PLIN1: variants seen among roughly 807,000 people sequenced by gnomAD.
PLIN1 encodes perilipin 1, also known as perilipin-1.
PLIN1 carries 37 observed loss-of-function variants against 45.8 expected under a neutral mutation model. The observed-to-expected ratio is 0.81, with a 90% CI of 0.62 to 1.06. The LOEUF (loss-of-function observed/expected upper bound fraction) is 1.06. PLIN1 is among the 50% of genes least tolerant of loss of function. The pLI is 0.00. For synonymous variants in PLIN1, 340 were observed against 309.2 expected (o/e 1.10, Z -1.05); for missense variants, 776 against 716.5 (o/e 1.08, Z -0.95).
At chr15:89,674,994 T>A (rs1056188155) in intron 2 of PLIN1, among the ~76,000 whole-genome samples, 3 of 152,278 alleles carry the variant, frequency 2.0e-5, no homozygotes, top group Non-Finnish European at 2.9e-5. Flanking sequence ...TGTGTGCCTG[T>A]GGTCCCGGCT....
chr15:89,665,606 T>A lies in PLIN1; in HGVS notation c.1546A>T (p.Ser516Cys), dbSNP rs1450667312. The change falls in exon 9 of 9, where the codon AGC (serine) becomes TGC (cysteine). Residue 516 changes from serine (S) to cysteine (C), a missense_variant. Ser to Cys is a moderately radical substitution (Grantham distance 112). Transcript: ENST00000300055. ...MEPILGRTHY[S>C]QLRKKS is the part of the protein sequence containing the mutation. Reference sequence around the variant, plus strand: ...ACTCAGCTCTTCTTGCGCAGCTGGCTGTAATGCGTGCGGCCCAGGATGGGC... The same window carrying A: ...ACTCAGCTCTTCTTGCGCAGCTGGCAGTAATGCGTGCGGCCCAGGATGGGC... The A allele has an allele frequency of 6.5e-7, 1 of 1,530,606 alleles. No homozygotes were observed. 94.8% of individuals were successfully genotyped at this position (1,530,606 alleles called of 1,614,324 possible). A position where few individuals can be genotyped will look rare whatever the true frequency, so the allele number is the denominator to read the frequency against.
At position 89,665,000 on chromosome 15, in the gene PLIN1, A is replaced by G. The variant is rs1964308576; in HGVS notation, c.*583T>C. The G allele has an allele frequency of 2.2e-6, 1 of 448,224 alleles. No homozygotes were observed. The highest frequency in any genetic ancestry group is 1.6e-5 in the South Asian group (1 of 63,138). The allele number at this position is 448,224 out of a possible 1,614,324, so 27.8% of individuals were successfully genotyped here. On this transcript the variant is annotated 3_prime_UTR_variant, in exon 9 of 9. Transcript: ENST00000300055. ...CCTGTGAAGCGGCGGGTACTCAGAA[A>G]GTGACACTAGTATTTTAAATAAACA...
chr15:89,667,734 G>C lies in PLIN1; in HGVS notation c.831C>G (p.Ser277Arg). 1.3e-6 allele frequency: 2 copies of C among 1,570,164 alleles called. No homozygotes were observed. Among genetic ancestry groups the C allele is most frequent in the Non-Finnish European group, 1.7e-6 (2 of 1,157,680 alleles). Residue 277 changes from serine to arginine, a missense_variant, in exon 7 of 9, where the codon AGC becomes AGG. Transcript: ENST00000300055. Reference sequence around the variant, plus strand: ...TGTGCAGCCAGGGTACCCGCACTTCGCTCCTCCGCCGGGACACCGCCTGCA... The same window carrying C: ...TGTGCAGCCAGGGTACCCGCACTTCCCTCCTCCGCCGGGACACCGCCTGCA... ...VAMQAVSRRRSEVRVPWLHSL... is the reference protein window; with the variant it reads ...VAMQAVSRRRREVRVPWLHSL...
rs771132427 is a variant in PLIN1, at chr15:89,665,903, G to A, written c.1249C>T (p.Arg417Trp). The part of the protein sequence containing the change: ...LSLMEPESEF[R>W]DIDNPPAEVE... ...TCGGCTGGTGGGTTGTCGATGTCCC[G>A]GAATTCGCTCTCGGGCTCCATCAGC... Residue 417 changes from arginine (R) to tryptophan (W), a missense_variant, in exon 9 of 9, where the codon CGG (arginine) becomes TGG (tryptophan). Physicochemically the swap from Arg to Trp is moderately radical, Grantham distance 101 (BLOSUM62 -3). Transcript: ENST00000300055. 1 of 1,535,776 alleles carries A rather than the reference G, an allele frequency of 6.5e-7. No individual in the cohort carries two copies.
chr15:89,677,240 T>C (rs1221621046), intron 2 of PLIN1: 2 of 617,564 alleles, frequency 3.2e-6, no homozygotes, highest in Non-Finnish European at 5.8e-6. Flanking sequence ...TAATTTTTAA[T>C]AGGCATCTTT....
At chr15:89,674,822 C>T (rs1381042770) in intron 2 of PLIN1, among the ~76,000 whole-genome samples, 1 of 152,088 alleles carries the variant, frequency 6.6e-6, no homozygotes, top group East Asian at 1.9e-4. Flanking sequence ...GTCTGGTGAC[C>T]CCCTCTCCTG....
chr15:89,677,684 C>T (rs1964539567), intron 1 of PLIN1, 181 bp from the exon 2 acceptor site: 2 of 674,964 alleles, frequency 3.0e-6, no homozygotes, highest in South Asian at 3.2e-5. Context: ...CTTAGGGTCC[C>T]ATAGCAATGA....
chr15:89,669,742 C>A, intron 5 of PLIN1, 70 bp from the exon 6 acceptor site: 1 of 1,418,618 alleles, frequency 7.0e-7, no homozygotes, highest in South Asian at 1.2e-5. Context: ...TGGGTCATGT[C>A]TAGGACTGGA....
Position 89,667,079 on chromosome 15 carries a change from CTGCAGG to C in PLIN1, c.1060_1065del (p.Pro354_Ala355del), listed in dbSNP as rs1221241778. 8.7e-6 allele frequency: 14 copies of C among 1,614,050 alleles called. No homozygotes were observed. Among genetic ancestry groups the C allele is most frequent in the African/African-American group, 1.3e-5 (1 of 74,936 alleles). ...ACCCTCCCTGCCATGCCCAGCACAG[CTGCAGG>C]TGCCCATGTCACAGCCGAGATGGTG... On this transcript the variant is annotated inframe_deletion, in exon 8 of 9. Transcript: ENST00000300055.
At chr15:89,668,090 T>C (rs1475317582) in intron 6 of PLIN1, among the ~76,000 whole-genome samples, 1 of 152,202 alleles carries the variant, frequency 6.6e-6, no homozygotes, top group Non-Finnish European at 1.5e-5. Flanking sequence ...TCAGTCCACA[T>C]TCCCCCAAGA....
In PLIN1 at chr15:89,667,000, G is replaced by A. The variant is rs746816190; in HGVS notation, c.1145C>T (p.Ser382Phe). The A allele has an allele frequency of 1.2e-6, 2 of 1,614,082 alleles. No individual in the cohort carries two copies. Among genetic ancestry groups the A allele is most frequent in the Middle Eastern group, 3.3e-4 (2 of 6,052 alleles). ...AACGCCCTTCAGGGCATCTGATAGG[G>A]ACATGGCCCTCCCCTTGGTTGAGGA... ...AVSSTKGRAM[S>F]LSDALKGVTD... is the part of the protein sequence containing the mutation. Residue 382 changes from serine to phenylalanine, a missense_variant, in exon 8 of 9, where the codon TCC becomes TTC. Coordinates refer to ENST00000300055, the MANE Select transcript of PLIN1 (RefSeq NM_002666.5).
chr15:89,672,067 T>C (rs1964449374), intron 3 of PLIN1, among the ~76,000 whole-genome samples: 1 of 152,082 alleles, frequency 6.6e-6, no homozygotes, highest in East Asian at 1.9e-4. Context: ...CAGTGAGGCC[T>C]TGGGGCTGGG....
rs1023790562 is a variant in PLIN1, at chr15:89,673,352, G to A, written c.108C>T (p.Cys36=). The A allele has an allele frequency of 6.2e-7, 1 of 1,602,348 alleles. No individual in the cohort carries two copies. The highest frequency in any genetic ancestry group is 8.5e-7 in the Non-Finnish European group (1 of 1,174,266). Residue 36 remains cysteine, a synonymous_variant, in exon 3 of 9, where the codon TGC becomes TGT. Transcript: ENST00000300055. ...TAGTGCTGGTGTAGGTCTTCTGGAA[G>A]CATTCGCAGGTGCCACTCACCACCG... ...QLPVVSGTCE[C]FQKTYTSTKE...
chr15:89,673,520 A>G (rs969742109), intron 2 of PLIN1, 106 bp from the exon 3 acceptor site: 2 of 898,160 alleles, frequency 2.2e-6, no homozygotes, highest in Non-Finnish European at 3.6e-6. Context: ...CCTGAGTCCA[A>G]GCGACCTGGG....
chr15:89,675,623 A>G (rs766301667), intron 2 of PLIN1, among the ~76,000 whole-genome samples: 6 of 152,080 alleles, frequency 3.9e-5, no homozygotes, highest in Non-Finnish European at 1.5e-5. Flanking sequence ...ATAAATAAAT[A>G]AAATTAAAAG....
intron 1 of PLIN1, 174 bp from the exon 2 acceptor site, chr15:89,677,677 A>C (rs1299402420): frequency 1.5e-6 from 1 of 685,844 alleles, no homozygotes; most frequent in Non-Finnish European, 2.7e-6. Context: ...CCCACTCCTT[A>C]GGGTCCCATA....
At position 89,665,960 on chromosome 15, in the gene PLIN1, G is replaced by A. The variant is rs1239907919; in HGVS notation, c.1210-18C>T. ...CTGGGGAGCTGAGGGCCCGGCAGCC[G>A]CCTTAGAGTCCTGGCTTGGCCCTGG... On this transcript the variant is annotated intron_variant, in intron 8 of 8. Coordinates refer to ENST00000300055, the MANE Select transcript of PLIN1 (RefSeq NM_002666.5). The A allele has an allele frequency of 1.4e-6, 2 of 1,475,108 alleles. No individual in the cohort carries two copies. The highest frequency in any genetic ancestry group is 2.0e-4 in the Middle Eastern group (1 of 5,090). 91.4% of individuals were successfully genotyped at this position (1,475,108 alleles called of 1,614,324 possible).
chr15:89,672,160 G>A (rs1371108969), intron 3 of PLIN1, among the ~76,000 whole-genome samples: 1 of 152,128 alleles, frequency 6.6e-6, no homozygotes. Flanking sequence ...TTAACCACTA[G>A]GTGTTGAGAT....
At chr15:89,672,680 C>T (rs1964457281) in intron 3 of PLIN1, among the ~76,000 whole-genome samples, 1 of 152,238 alleles carries the variant, frequency 6.6e-6, no homozygotes, top group South Asian at 2.1e-4. Context: ...CTGGTAAGGC[C>T]AGTAGGAGAG....
Sources: allele counts gnomAD v4.1 joint callset (sites outside exome capture counted in the v4.1 genomes callset), GRCh38; gene constraint gnomAD v4.1.1; transcripts MANE v1.5; gene names NCBI Gene and HGNC (gene_info 2026-07-23, HGNC 2026-07-21).